NAV3: variants seen among roughly 807,000 people sequenced by gnomAD.
NAV3 encodes the protein neuron navigator 3.
NAV3 carries 87 observed loss-of-function variants against 244.7 expected under a neutral mutation model. The ratio of observed to expected loss-of-function variants is 0.36; its 90% CI spans 0.30 to 0.42. The LOEUF (loss-of-function observed/expected upper bound fraction) is 0.42. NAV3 is among the 20% of genes least tolerant of loss of function. The pLI, the probability that NAV3 is intolerant of heterozygous loss-of-function variation, is 1.00. For synonymous variants in NAV3, 1,126 were observed against 1,042.2 expected, an observed-to-expected ratio of 1.08 and a Z score of -1.55; for missense variants, 2,663 against 2,893.3, an observed-to-expected ratio of 0.92 and a Z score of 1.83.
chr12:77,814,898 AT>A (rs1163883770), intron 2 of NAV3, among the ~76,000 whole-genome samples: 1 of 151,854 alleles, frequency 6.6e-6, no homozygotes, highest in Non-Finnish European at 1.5e-5. Context: ...AGGAAGAGAT[AT>A]TTTTTTCTTT....
intron 2 of NAV3, among the ~76,000 whole-genome samples, chr12:77,718,797 A>G (rs1876481058): frequency 6.6e-6 from 1 of 152,016 alleles, no homozygotes; most frequent in Admixed American, 6.6e-5. Flanking sequence ...AGCTGGGATT[A>G]CAGGCATGCA....
chr12:78,210,541 A>T lies in NAV3; in HGVS notation c.*24A>T. ...AGAGGGTGAAAAAAGTTAAGGGAAA[A>T]GACTTTGCTTTTAAAAAAATGTTTC... On this transcript the variant is annotated 3_prime_UTR_variant, in exon 40 of 40. Transcript: ENST00000397909. 1 of 1,602,694 alleles carries T rather than the reference A, an allele frequency of 6.2e-7. No homozygotes were observed. The highest frequency in any genetic ancestry group is 8.5e-7 in the Non-Finnish European group (1 of 1,176,296).
chr12:78,016,415 T>G (rs1313747557), intron 8 of NAV3, among the ~76,000 whole-genome samples: 1 of 152,144 alleles, frequency 6.6e-6, no homozygotes, highest in Non-Finnish European at 1.5e-5. Flanking sequence ...TGTGCCTCTT[T>G]TTGTCAACCA....
chr12:77,965,258 A>AT (rs1240979201), intron 3 of NAV3, among the ~76,000 whole-genome samples: 1 of 152,042 alleles, frequency 6.6e-6, no homozygotes, highest in South Asian at 2.1e-4. Context: ...TCAAATTTTT[A>AT]TTTTTTTATT....
At chr12:77,997,944 A>G (rs926633199) in intron 6 of NAV3, among the ~76,000 whole-genome samples, 1 of 152,358 alleles carries the variant, frequency 6.6e-6, no homozygotes, top group African/African-American at 2.4e-5. Context: ...ATTGAAAAGA[A>G]CAGCTTAATA....
At chr12:77,855,200 G>T (rs1467323469) in intron 1 of NAV3, among the ~76,000 whole-genome samples, 1 of 152,094 alleles carries the variant, frequency 6.6e-6, no homozygotes, top group Non-Finnish European at 1.5e-5. Flanking sequence ...GGTGGAGAAT[G>T]ATCTTTTAAT....
chr12:78,114,819 AC>A (rs1566152065), intron 12 of NAV3, among the ~76,000 whole-genome samples: 2 of 152,210 alleles, frequency 1.3e-5, no homozygotes, highest in Non-Finnish European at 2.9e-5. Flanking sequence ...AGTGCAAAAT[AC>A]CATTTTGCTC....
intron 1 of NAV3, among the ~76,000 whole-genome samples, chr12:77,845,056 C>CT (rs969117392): frequency 3.3e-5 from 5 of 152,182 alleles, no homozygotes; most frequent in South Asian, 2.1e-4. Flanking sequence ...ACAGGCTATT[C>CT]TTTTTTTAGA....
In NAV3 at chr12:77,669,941, C is replaced by T. The variant is rs114512390; in HGVS notation, c.72+97675C>T. On this transcript the variant is annotated intron_variant, in intron 2 of 8. Transcript: ENST00000550042. The stretch of plus-strand genomic sequence containing the variant: ...ACCCAAAGCCAGCAGAAGAAAAGAA[C>T]GAAGATCAGAGCAGAATTAAATGAA... 7.5e-3 allele frequency among the ~76,000 whole-genome samples: 1,139 copies of T among 151,602 alleles called. 19 individuals are homozygous for T. Among genetic ancestry groups the T allele is most frequent in the African/African-American group, 0.026 (1,082 of 41,342 alleles).
chr12:78,141,154 A>C (rs1295620199), intron 20 of NAV3, among the ~76,000 whole-genome samples: 2 of 152,142 alleles, frequency 1.3e-5, no homozygotes, highest in Non-Finnish European at 2.9e-5. Flanking sequence ...AGCCTCCCCA[A>C]GTGCTGGGAT....
chr12:77,729,147 A>T (rs948101031), intron 2 of NAV3, among the ~76,000 whole-genome samples: 3 of 152,010 alleles, frequency 2.0e-5, no homozygotes, highest in Non-Finnish European at 4.4e-5. Context: ...GTTCTGGGGG[A>T]AGTGAAAAGT....
intron 3 of NAV3, among the ~76,000 whole-genome samples, chr12:77,960,589 T>C (rs551926311): frequency 6.7e-6 from 1 of 148,786 alleles, no homozygotes; most frequent in African/African-American, 2.4e-5. Flanking sequence ...ACCTATAATA[T>C]ATAACATATA....
At chr12:77,690,660 A>G (rs1017026167) in intron 2 of NAV3, among the ~76,000 whole-genome samples, 21 of 150,614 alleles carry the variant, frequency 1.4e-4, no homozygotes, top group African/African-American at 4.8e-4. Context: ...ATAGGAAGTT[A>G]TTAATGATTT....
intron 12 of NAV3, among the ~76,000 whole-genome samples, chr12:78,070,492 CA>C (rs2137610143): frequency 6.6e-6 from 1 of 151,882 alleles, no homozygotes; most frequent in South Asian, 2.1e-4. Flanking sequence ...CTCTTGATCA[CA>C]AGCTAGTGAC....
intron 22 of NAV3, among the ~76,000 whole-genome samples, chr12:78,153,308 A>G (rs901869510): frequency 2.0e-5 from 3 of 152,010 alleles, no homozygotes; most frequent in Non-Finnish European, 4.4e-5. Flanking sequence ...AATGTGTGTT[A>G]AGCCTTCCCT....
At chr12:78,071,648 G>C (rs955907924) in intron 12 of NAV3, among the ~76,000 whole-genome samples, 1 of 152,002 alleles carries the variant, frequency 6.6e-6, no homozygotes, top group African/African-American at 2.4e-5. Context: ...ATTGATTTTT[G>C]TATAAGGTGT....
chr12:78,137,122 C>A, intron 18 of NAV3, 55 bp from the exon 19 acceptor site: 1 of 1,485,590 alleles, frequency 6.7e-7, no homozygotes, highest in Non-Finnish European at 9.1e-7. Flanking sequence ...TATCAACCTG[C>A]TATTTTCATC....
At chr12:77,714,887 T>C (rs540231505) in intron 2 of NAV3, among the ~76,000 whole-genome samples, 1 of 152,230 alleles carries the variant, frequency 6.6e-6, no homozygotes, top group South Asian at 2.1e-4. Context: ...GAGTTAAACA[T>C]TTAAAAATAC....
chr12:78,018,464 T>C (rs530234558), intron 8 of NAV3, among the ~76,000 whole-genome samples: 2 of 152,340 alleles, frequency 1.3e-5, no homozygotes, highest in South Asian at 2.1e-4. Context: ...ATTCCAAGTT[T>C]TCTTTTACTC....
Sources: gnomAD v4.1 joint callset for allele counts (sites outside exome capture counted in the v4.1 genomes callset) on GRCh38, gnomAD v4.1.1 for gene constraint, MANE v1.5 for transcripts, NCBI Gene and HGNC (gene_info 2026-07-23, HGNC 2026-07-21) for gene names.